Variants in ANKRD31 observed in about 807,000 individuals in gnomAD.
ANKRD31 encodes ankyrin repeat domain 31, also known as ankyrin repeat domain-containing protein 31.
In ANKRD31, 147 loss-of-function variants were observed where a neutral mutation model predicts 186.0. The ratio of observed to expected loss-of-function variants is 0.79; its 90% CI spans 0.69 to 0.91. The LOEUF is 0.91. Among genes scored for constraint, ANKRD31 ranks in the 40% least tolerant of loss-of-function variants. ANKRD31 has a pLI of 0.00. For synonymous variants in ANKRD31, 673 were observed against 736.4 expected, an observed-to-expected ratio of 0.91 and a Z score of 1.39; for missense variants, 1,986 against 2,148.8, an observed-to-expected ratio of 0.92 and a Z score of 1.50.
intron 22 of ANKRD31, among the ~76,000 whole-genome samples, chr5:75,094,928 C>T (rs1580311877): frequency 6.6e-6 from 1 of 152,098 alleles, no homozygotes; most frequent in African/African-American, 2.4e-5. Flanking sequence ...GAAATTGTTA[C>T]AAGAGATGAT....
In ANKRD31 at chr5:75,192,663, T is replaced by C. The variant is rs778017251; in HGVS notation, c.1408+4A>G. 6.0e-6 allele frequency: 9 copies of C among 1,509,946 alleles called. No homozygotes were observed. In the South Asian group the frequency reaches 1.1e-4, roughly 18 times the overall value. 93.5% of individuals were successfully genotyped at this position (1,509,946 alleles called of 1,614,324 possible). ...AATAGAAAAATACTCAAAATATGCA[T>C]CACCTTTTTTTCCTGAAAATTGTTC... On this transcript the variant is annotated splice_donor_region_variant and intron_variant, in intron 9 of 25. Coordinates refer to ENST00000506364, the MANE Select transcript of ANKRD31 (RefSeq NM_001372053.1).
At chr5:75,078,156 A>G (rs1744810981) in intron 25 of ANKRD31, among the ~76,000 whole-genome samples, 1 of 152,106 alleles carries the variant, frequency 6.6e-6, no homozygotes, top group Non-Finnish European at 1.5e-5. Context: ...ATGAAAAAGA[A>G]TCGAGAGTGG....
chr5:75,104,323 T>A lies in ANKRD31; in HGVS notation c.5236A>T (p.Ser1746Cys), dbSNP rs1386943691. 1 of 1,537,106 alleles carries A rather than the reference T, an allele frequency of 6.5e-7. No individual in the cohort carries two copies. The highest frequency in any genetic ancestry group is 1.4e-5 in the African/African-American group (1 of 73,050). The change falls in exon 22 of 26, where the codon AGT becomes TGT. Residue 1746 changes from serine to cysteine, a missense_variant. Ser to Cys is a moderately radical substitution (Grantham distance 112). Coordinates refer to ENST00000506364, the MANE Select transcript of ANKRD31 (RefSeq NM_001372053.1). ...ATACATTTCTTTTTAGGAGCTGTAC[T>A]GTAGTTTAAAGCCTTTTTTATTGTA... The part of the protein sequence containing the change: ...QDTIKKALNY[S>C]TAPKKKCIQI...
chr5:75,195,763 T>C lies in ANKRD31; in HGVS notation c.885A>G (p.Thr295=). Residue 295 remains threonine, a synonymous_variant, in exon 7 of 26, where the codon ACA becomes ACG. Coordinates refer to ENST00000506364, the MANE Select transcript of ANKRD31 (RefSeq NM_001372053.1). ...TGGTTTCCACCTTGGCTTCTGACAA[T>C]GTGTTCAGGGCTTCCAATAACTCAG... The part of the protein sequence containing the change: ...LPAELLEALN[T]LSEAKVETIC... 6.5e-7 allele frequency: 1 copy of C among 1,537,528 alleles called. No homozygotes were observed. Among genetic ancestry groups the C allele is most frequent in the East Asian group, 2.4e-5 (1 of 40,902 alleles).
At chr5:75,115,005 C>G (rs1013977535) in intron 19 of ANKRD31, among the ~76,000 whole-genome samples, 6 of 152,142 alleles carry the variant, frequency 3.9e-5, no homozygotes, top group African/African-American at 9.7e-5. Context: ...TGACTTCAAA[C>G]TATACTACAA....
intron 3 of ANKRD31, among the ~76,000 whole-genome samples, chr5:75,218,032 A>G (rs147727784): frequency 6.6e-6 from 1 of 152,288 alleles, no homozygotes; most frequent in East Asian, 1.9e-4. Context: ...CAACTAGAAG[A>G]ACTGGAGAAG....
intron 2 of ANKRD31, among the ~76,000 whole-genome samples, chr5:75,229,888 CAAAAAAA>C (rs796445150): frequency 1.3e-5 from 1 of 79,700 alleles, no homozygotes; most frequent in African/African-American, 7.2e-5. Flanking sequence ...AAAAAAAAAA[CAAAAAAA>C]ACATCAATTC....
chr5:75,099,101 T>C (rs1746587212), intron 22 of ANKRD31, among the ~76,000 whole-genome samples: 1 of 152,244 alleles, frequency 6.6e-6, no homozygotes, highest in South Asian at 2.1e-4. Flanking sequence ...TTGAGATACA[T>C]CCCATCGATA....
At chr5:75,161,134 C>T (rs915404366) in intron 11 of ANKRD31, among the ~76,000 whole-genome samples, 13 of 152,016 alleles carry the variant, frequency 8.6e-5, no homozygotes, top group African/African-American at 2.7e-4. Flanking sequence ...TGGTACAGTT[C>T]GGAGGGCTCA....
At chr5:75,130,483 C>A (rs1317559562) in intron 17 of ANKRD31, among the ~76,000 whole-genome samples, 1 of 152,168 alleles carries the variant, frequency 6.6e-6, no homozygotes, top group Non-Finnish European at 1.5e-5. Flanking sequence ...TTACAGAGAG[C>A]TGATTGGTCC....
chr5:75,125,571 C>T (rs1456715360), intron 17 of ANKRD31, among the ~76,000 whole-genome samples: 3 of 152,118 alleles, frequency 2.0e-5, no homozygotes, highest in African/African-American at 4.8e-5. Flanking sequence ...GTCTTAAAAA[C>T]ATATGCTATA....
intron 17 of ANKRD31, among the ~76,000 whole-genome samples, chr5:75,132,538 T>G (rs573146339): frequency 1.4e-3 from 214 of 152,294 alleles, no homozygotes; most frequent in African/African-American, 4.9e-3. Context: ...AATATACATC[T>G]GATCGGTGTA....
At chr5:75,135,241 A>T (rs1256152003) in intron 17 of ANKRD31, among the ~76,000 whole-genome samples, 1 of 152,238 alleles carries the variant, frequency 6.6e-6, no homozygotes, top group Non-Finnish European at 1.5e-5. Context: ...CTGTTTGCAG[A>T]TGACATGATT....
chr5:75,225,024 C>T (rs1055686026), intron 2 of ANKRD31, among the ~76,000 whole-genome samples: 1 of 152,122 alleles, frequency 6.6e-6, no homozygotes, highest in South Asian at 2.1e-4. Flanking sequence ...AGGCCTAACA[C>T]TGGTATTCCT....
intron 22 of ANKRD31, among the ~76,000 whole-genome samples, chr5:75,098,353 C>A (rs1012829877): frequency 6.6e-6 from 1 of 151,730 alleles, no homozygotes; most frequent in African/African-American, 2.4e-5. Flanking sequence ...ATACTTTGAA[C>A]TCAGGTAGCG....
intron 9 of ANKRD31, among the ~76,000 whole-genome samples, chr5:75,189,691 A>G (rs1364958831): frequency 1.3e-5 from 2 of 152,108 alleles, no homozygotes; most frequent in African/African-American, 2.4e-5. Context: ...TAATTTTCTG[A>G]TCTTAGGGGG....
intron 22 of ANKRD31, among the ~76,000 whole-genome samples, chr5:75,097,306 T>C (rs974761653): frequency 2.0e-5 from 3 of 152,196 alleles, no homozygotes; most frequent in Non-Finnish European, 4.4e-5. Flanking sequence ...TTTCTCCACA[T>C]CCTCTCCAGC....
chr5:75,180,544 A>C (rs1380184079), intron 10 of ANKRD31, among the ~76,000 whole-genome samples: 1 of 152,148 alleles, frequency 6.6e-6, no homozygotes, highest in African/African-American at 2.4e-5. Context: ...AGATATAGAC[A>C]AATGGAACAG....
At chr5:75,112,382 C>T in intron 20 of ANKRD31, 131 bp downstream of exon 20, 1 of 561,932 alleles carries the variant, frequency 1.8e-6, no homozygotes, top group African/African-American at 1.9e-5. Context: ...ATTCCTAGCA[C>T]TTTAAATACT....
Sources: allele counts gnomAD v4.1 joint callset (sites outside exome capture counted in the v4.1 genomes callset), GRCh38; gene constraint gnomAD v4.1.1; transcripts MANE v1.5; gene names NCBI Gene and HGNC (gene_info 2026-07-23, HGNC 2026-07-21).